The following TXLNA variants were observed in gnomAD, a reference collection of about 807,000 sequenced individuals.
TXLNA encodes alpha-taxilin.
In TXLNA, 9 loss-of-function variants were observed where a neutral mutation model predicts 61.4. The ratio of observed to expected loss-of-function variants is 0.15; its 90% CI spans 0.09 to 0.26. The LOEUF (loss-of-function observed/expected upper bound fraction) is 0.26. Among genes scored for constraint, TXLNA ranks in the 10% least tolerant of loss-of-function variants. The probability of loss-of-function intolerance (pLI) is 1.00; values close to 1 mark genes in which losing one functional copy is unlikely to be tolerated. For missense variants in TXLNA, 565 were observed against 688.8 expected, an observed-to-expected ratio of 0.82 and a Z score of 2.01; for synonymous variants, 257 against 267.7, an observed-to-expected ratio of 0.96 and a Z score of 0.39.
At chr1:32,194,787 G>A in intron 10 of TXLNA, 115 bp from the exon 11 acceptor site, 2 of 1,278,904 alleles carry the variant, frequency 1.6e-6, no homozygotes, top group South Asian at 1.5e-5. Context: ...TCCTAGAGGG[G>A]GCCAGCTTTG....
rs1643009505 is a variant in TXLNA, at chr1:32,195,839, TG to T, written c.*646del. 2.2e-6 allele frequency: 1 copy of T among 455,020 alleles called. No homozygotes were observed. The highest frequency in any genetic ancestry group is 4.4e-6 in the Non-Finnish European group (1 of 226,310). 28.2% of individuals were successfully genotyped at this position (455,020 alleles called of 1,614,324 possible). On this transcript the variant is annotated 3_prime_UTR_variant, in exon 11 of 11. Transcript: ENST00000373610. ...CTTGGGCATCGCTTCCCCTGCCCTT[TG>T]GTAGTGCCAGGACCAGGCCAATGAT... is the stretch of plus-strand genomic sequence containing the variant.
intron 8 of TXLNA, 80 bp from the exon 9 acceptor site, chr1:32,193,128 C>T (rs1642942274): frequency 6.8e-6 from 6 of 885,388 alleles, no homozygotes; most frequent in African/African-American, 4.9e-5. Flanking sequence ...GTCAGAGAGT[C>T]AAGGACGGGT....
chr1:32,193,364 GC>G, intron 9 of TXLNA, 64 bp downstream of exon 9: 1 of 1,322,892 alleles, frequency 7.6e-7, no homozygotes, highest in Non-Finnish European at 1.1e-6. Flanking sequence ...AAATTGTTGG[GC>G]CTGCCTTCAG....
Position 32,192,591 on chromosome 1 carries a change from T to C in TXLNA, c.1084-66T>C, listed in dbSNP as rs1642931659. The C allele has an allele frequency of 1.2e-6, 2 of 1,605,012 alleles. No homozygotes were observed. Among genetic ancestry groups the C allele is most frequent in the African/African-American group, 1.3e-5 (1 of 74,676 alleles). On this transcript the variant is annotated intron_variant, in intron 7 of 10. Coordinates refer to ENST00000373610, the MANE Select transcript of TXLNA (RefSeq NM_175852.4). This position sits in a 1 kb window ranked among gnomAD's most constrained non-coding sequence, Gnocchi z 4.2. Reference sequence around the variant, plus strand: ...GAAGCCTCAGTGGGTCTGGTGCTTGTGGCTAAAAACCAAACATAGCCCCTG... The same window carrying C: ...GAAGCCTCAGTGGGTCTGGTGCTTGCGGCTAAAAACCAAACATAGCCCCTG...
Position 32,192,401 on chromosome 1 carries a change from G to A in TXLNA, c.1054G>A (p.Glu352Lys), listed in dbSNP as rs1321029937. 6.2e-7 allele frequency: 1 copy of A among 1,614,188 alleles called. No individual in the cohort carries two copies. The highest frequency in any genetic ancestry group is 8.5e-7 in the Non-Finnish European group (1 of 1,180,022). ...GGCCCAGGAGATGCTAAAGGAGGCAGAAGAGCGGCACCAGCGGGAGAAGGA... is the reference window on the plus strand; with the variant it reads ...GGCCCAGGAGATGCTAAAGGAGGCAAAAGAGCGGCACCAGCGGGAGAAGGA... ...QQAQEMLKEAEERHQREKDFL... is the reference protein window; with the variant it reads ...QQAQEMLKEAKERHQREKDFL... The change falls in exon 7 of 11, where the codon GAA (glutamate) becomes AAA (lysine). Residue 352 changes from glutamate (E) to lysine (K), a missense_variant. Transcript: ENST00000373610. This position sits in a 1 kb window ranked among gnomAD's most constrained non-coding sequence, Gnocchi z 4.2.
chr1:32,195,312 G>A lies in TXLNA; in HGVS notation c.*117G>A. On this transcript the variant is annotated 3_prime_UTR_variant, in exon 11 of 11. Transcript: ENST00000373610. ...AAGCCAGGATGTTCTGACCTGGCTG[G>A]CATCTGGCACTTGCAATTTTGGATT... 1 of 1,257,244 alleles carries A rather than the reference G, an allele frequency of 8.0e-7. No homozygotes were observed. Among genetic ancestry groups the A allele is most frequent in the South Asian group, 1.6e-5 (1 of 63,644 alleles). 77.9% of individuals were successfully genotyped at this position (1,257,244 alleles called of 1,614,324 possible).
rs746767099 is a variant in TXLNA at position 32,184,548 on chromosome 1, C to G, written c.529C>G (p.Gln177Glu). ...GLGKEITLLM[Q>E]TLNTLSTPEE... The stretch of plus-strand genomic sequence containing the variant: ...AGGGAAGGAGATCACGTTGCTGATG[C>G]AGACATTGAATACTCTGAGTACCCC... The change falls in exon 4 of 11, where the codon CAG (glutamine) becomes GAG (glutamate). Residue 177 changes from glutamine (Q) to glutamate (E), a missense_variant. By Grantham distance (29) the Gln-to-Glu change is conservative (BLOSUM62 2). This residue lies in a region of TXLNA where 373 missense variants were observed against 504.0 expected (regional missense o/e 0.74). Coordinates refer to ENST00000373610, the MANE Select transcript of TXLNA (RefSeq NM_175852.4). 6.2e-7 allele frequency: 1 copy of G among 1,613,592 alleles called. No homozygotes were observed. Among genetic ancestry groups the G allele is most frequent in the South Asian group, 1.1e-5 (1 of 91,068 alleles).
rs568345526 is a variant in TXLNA, at chr1:32,195,637, C to T, written c.*442C>T. ...GACTGCATTTGTCTTGTGAGCAGGG[C>T]TTGCTTGGTCAGCTCAGGCCCTCCT... On this transcript the variant is annotated 3_prime_UTR_variant, in exon 11 of 11. Coordinates refer to ENST00000373610, the MANE Select transcript of TXLNA (RefSeq NM_175852.4). 1 of 438,204 alleles carries T rather than the reference C, an allele frequency of 2.3e-6. No individual in the cohort carries two copies. The highest frequency in any genetic ancestry group is 4.5e-6 in the Non-Finnish European group (1 of 220,580). The allele number at this position is 438,204 out of a possible 1,614,324, so 27.1% of individuals were successfully genotyped here.
At chr1:32,187,329 T>A (rs1462845723) in intron 4 of TXLNA, among the ~76,000 whole-genome samples, 1 of 152,240 alleles carries the variant, frequency 6.6e-6, no homozygotes, top group Non-Finnish European at 1.5e-5. Flanking sequence ...TATTTTTAAT[T>A]ACTTATGTGG....
In TXLNA at chr1:32,194,536, G is replaced by GT. The variant is rs200022145; in HGVS notation, c.1348-358dup. On this transcript the variant is annotated intron_variant, in intron 10 of 10. Coordinates refer to ENST00000373610, the MANE Select transcript of TXLNA (RefSeq NM_175852.4). Reference sequence around the variant, plus strand: ...GCCAGACCTTGCTGAAAGTTTTTGGGTTTTTTTTGTCTTTTTTGCTGCTGA... The same window carrying GT: ...GCCAGACCTTGCTGAAAGTTTTTGGGTTTTTTTTTGTCTTTTTTGCTGCTGA... 1.7e-3 allele frequency among the ~76,000 whole-genome samples: 251 copies of GT among 151,996 alleles called. 1 individual carries two copies. The highest frequency in any genetic ancestry group is 5.5e-3 in the African/African-American group (227 of 41,450).
rs567764617 is a variant in TXLNA, at chr1:32,190,484, A to T, written c.963+235A>T. 5.9e-5 allele frequency among the ~76,000 whole-genome samples: 9 copies of T among 152,318 alleles called. No individual in the cohort carries two copies. The South Asian group carries it at 1.9e-3, about 32-fold the overall frequency. On this transcript the variant is annotated intron_variant, in intron 6 of 10. Transcript: ENST00000373610. The stretch of plus-strand genomic sequence containing the variant: ...GTGCCTTGTCCCAAATGACTGGGCC[A>T]GGCATCTTTTGGAATTAGAACTATC...
chr1:32,185,404 A>ATTTT (rs1450386703), intron 4 of TXLNA, among the ~76,000 whole-genome samples: 2 of 151,638 alleles, frequency 1.3e-5, no homozygotes, highest in South Asian at 4.2e-4. Context: ...TTATTTATTT[A>ATTTT]TTTTTTGAGA....
rs1393482738 is a variant in TXLNA at position 32,195,545 on chromosome 1, G to A, written c.*350G>A. 1.4e-5 allele frequency: 6 copies of A among 428,260 alleles called. No individual in the cohort carries two copies. The Admixed American group carries it at 2.1e-4, about 15-fold the overall frequency. 26.5% of individuals were successfully genotyped at this position (428,260 alleles called of 1,614,324 possible). A position where few individuals can be genotyped will look rare whatever the true frequency, so the allele number is the denominator to read the frequency against. On this transcript the variant is annotated 3_prime_UTR_variant, in exon 11 of 11. Coordinates refer to ENST00000373610, the MANE Select transcript of TXLNA (RefSeq NM_175852.4). ...GCAGAAGTGACTTGAGCATTTCTCT[G>A]TCTGATTTGAGGCTCAGACCCCTCC...
chr1:32,180,170 G>C, intron 1 of TXLNA, 144 bp from the exon 2 acceptor site: 3 of 826,000 alleles, frequency 3.6e-6, no homozygotes, highest in Non-Finnish European at 5.4e-6. Context: ...GACCCGCCAA[G>C]ACCAGAGAGC....
At chr1:32,180,209 G>A in intron 1 of TXLNA, 105 bp from the exon 2 acceptor site, 1 of 1,237,634 alleles carries the variant, frequency 8.1e-7, no homozygotes, top group Non-Finnish European at 1.1e-6. Flanking sequence ...GGGCCTGCCG[G>A]TCCGTTTATT....
At chr1:32,194,840 G>A in intron 10 of TXLNA, 62 bp from the exon 11 acceptor site, 1 of 1,531,588 alleles carries the variant, frequency 6.5e-7, no homozygotes, top group Non-Finnish European at 8.8e-7. Context: ...TTGCCGCCAA[G>A]TGGTGATGGT....
chr1:32,189,933 G>A (rs1285703122), intron 5 of TXLNA, 122 bp from the exon 6 acceptor site: 3 of 1,012,624 alleles, frequency 3.0e-6, no homozygotes, highest in African/African-American at 3.2e-5. Context: ...ACATCCTGGA[G>A]TCTGGCTACT....
Position 32,184,595 on chromosome 1 carries a change from G to C in TXLNA, c.576G>C (p.Leu192=), listed in dbSNP as rs770980115. 6.2e-7 allele frequency: 1 copy of C among 1,613,284 alleles called. No individual in the cohort carries two copies. The highest frequency in any genetic ancestry group is 1.1e-5 in the South Asian group (1 of 91,060). Residue 192 remains leucine (L), a synonymous_variant, in exon 4 of 11, where the codon CTG becomes CTC. Transcript: ENST00000373610. ...LSTPEEKLAA[L]CKKYAELLEE... is the part of the protein sequence containing the mutation. ...CCCCAGAGGAGAAGCTGGCTGCTCT[G>C]TGCAAGAAGTATGCTGAACTGGTCA...
At chr1:32,186,907 AAACAAAG>A (rs1477764671) in intron 4 of TXLNA, among the ~76,000 whole-genome samples, 1 of 152,238 alleles carries the variant, frequency 6.6e-6, no homozygotes, top group African/African-American at 2.4e-5. Context: ...ACTTAAGCAA[AAACAAAG>A]AATATAAAAC....
Sources: allele counts gnomAD v4.1 joint callset (sites outside exome capture counted in the v4.1 genomes callset), GRCh38; gene constraint gnomAD v4.1.1; regional missense constraint gnomAD v4.1.1; non-coding constraint Gnocchi (gnomAD v3.1); transcripts MANE v1.5; gene names NCBI Gene and HGNC (gene_info 2026-07-23, HGNC 2026-07-21).